Variants in GLG1 observed in about 807,000 individuals in gnomAD.
GLG1 encodes golgi glycoprotein 1.
GLG1 carries 38 observed loss-of-function variants against 160.5 expected under a neutral mutation model. That is an observed-to-expected ratio of 0.24 (90% CI 0.18 to 0.31). The LOEUF (loss-of-function observed/expected upper bound fraction) is 0.31, where lower values mean the gene tolerates loss of function less well. GLG1 is among the 10% of genes least tolerant of loss of function. The pLI is 1.00. For synonymous variants in GLG1, 644 were observed against 543.4 expected, an observed-to-expected ratio of 1.19 and a Z score of -2.57; for missense variants, 1,373 against 1,505.2, an observed-to-expected ratio of 0.91 and a Z score of 1.45.
At chr16:74,606,587 CT>C in intron 1 of GLG1, 69 bp downstream of exon 1, 1 of 1,350,764 alleles carries the variant, frequency 7.4e-7, no homozygotes, top group South Asian at 1.4e-5. Flanking sequence ...GCGTCAGCGG[CT>C]TCCAAGGCCG....
At chr16:74,558,754 G>C (rs1434184001) in intron 1 of GLG1, among the ~76,000 whole-genome samples, 2 of 152,200 alleles carry the variant, frequency 1.3e-5, no homozygotes, top group African/African-American at 2.4e-5. Flanking sequence ...TGGTGGATTA[G>C]AATAGTCAGA....
chr16:74,566,920 C>T (rs571351770), intron 1 of GLG1, among the ~76,000 whole-genome samples: 89 of 152,190 alleles, frequency 5.8e-4, no homozygotes, highest in Non-Finnish European at 1.0e-3. Context: ...TTAAACCTAA[C>T]ACATATTGCT....
chr16:74,462,821 A>G (rs546154944), intron 20 of GLG1, 191 bp from the exon 21 acceptor site: 1 of 603,556 alleles, frequency 1.7e-6, no homozygotes, highest in Admixed American at 3.0e-5. Context: ...GTTAACGAGT[A>G]CTTCTGGAGG....
At position 74,603,356 on chromosome 16, in the gene GLG1, G is replaced by A. The variant is rs143788543; in HGVS notation, c.438+3301C>T. ...ACCAGGGAGTCAGAGGTTGCAGTGA[G>A]CCGAGATCACACCACTGCACTCCAG... On this transcript the variant is annotated intron_variant, in intron 1 of 25. Coordinates refer to ENST00000422840, the MANE Select transcript of GLG1 (RefSeq NM_001145667.2). 9.4e-4 allele frequency among the ~76,000 whole-genome samples: 140 copies of A among 148,288 alleles called. 1 individual carries two copies. The highest frequency in any genetic ancestry group is 3.3e-3 in the African/African-American group (134 of 40,008).
rs1373749257 is a variant in GLG1, at chr16:74,462,112, C to T, written c.3018G>A (p.Gln1006=). 4 of 1,593,902 alleles carry T rather than the reference C, an allele frequency of 2.5e-6. No homozygotes were observed. Among genetic ancestry groups the T allele is most frequent in the Non-Finnish European group, 3.4e-6 (4 of 1,161,842 alleles). The change falls in exon 22 of 26, where the codon CAG becomes CAA. Residue 1006 remains glutamine, a synonymous_variant. Transcript: ENST00000422840. ...ALDYRLDPQL[Q]LHCSDEISSL... ...ATCCCACCTCGTCTGAGCAGTGCAG[C>T]TGGAGCTGAGGATCCAGGCGGTAGT... is the stretch of plus-strand genomic sequence containing the variant.
At chr16:74,530,411 T>C (rs1407634601) in intron 2 of GLG1, among the ~76,000 whole-genome samples, 1 of 152,196 alleles carries the variant, frequency 6.6e-6, no homozygotes, top group Non-Finnish European at 1.5e-5. Context: ...AAAGTAACAG[T>C]TCTCAGGGAA....
intron 1 of GLG1, among the ~76,000 whole-genome samples, chr16:74,540,911 T>C (rs996032011): frequency 1.4e-4 from 22 of 152,206 alleles, no homozygotes; most frequent in African/African-American, 5.3e-4. Flanking sequence ...AGTTACGGTG[T>C]CCACATGTAA....
intron 1 of GLG1, among the ~76,000 whole-genome samples, chr16:74,548,540 C>T (rs2143686828): frequency 6.6e-6 from 1 of 152,348 alleles, no homozygotes; most frequent in East Asian, 1.9e-4. Context: ...AGAAATCTGA[C>T]ATCTAGGCTT....
At chr16:74,459,562 C>T in intron 23 of GLG1, 120 bp downstream of exon 23, 1 of 656,776 alleles carries the variant, frequency 1.5e-6, no homozygotes, top group South Asian at 1.8e-5. Flanking sequence ...GAAAAGAGTG[C>T]TGGGCAGAAG....
chr16:74,448,830 T>C lies in GLG1; in HGVS notation c.*4337A>G, dbSNP rs980259856. 2.6e-5 allele frequency: 4 copies of C among 151,618 alleles called. No individual in the cohort carries two copies. The highest frequency in any genetic ancestry group is 4.4e-5 in the Non-Finnish European group (3 of 67,964). The allele number at this position is 151,618 out of a possible 1,614,324, so 9.4% of individuals were successfully genotyped here. A position where few individuals can be genotyped will look rare whatever the true frequency, so the allele number is the denominator to read the frequency against. ...CACTTTGGAAGGCCGAAGTGCACTT[T>C]GGCCGAAGTGGGCCACTTTGCGGCC... On this transcript the variant is annotated 3_prime_UTR_variant, in exon 26 of 26. Transcript: ENST00000422840.
rs773388637 is a variant in GLG1 at position 74,580,309 on chromosome 16, C to A, written c.438+26348G>T. Among the ~76,000 whole-genome samples the A allele has an allele frequency of 1.2e-3, 182 of 151,938 alleles. 2 individuals carry two copies. Among genetic ancestry groups the A allele is most frequent in the Non-Finnish European group, 4.3e-4 (29 of 67,964 alleles). On this transcript the variant is annotated intron_variant, in intron 1 of 25. Transcript: ENST00000422840. ...GACCAGCCTGAGCAACATGGCACAA[C>A]CCCCATCTCTACAAAAAAAACTAAA...
intron 18 of GLG1, among the ~76,000 whole-genome samples, chr16:74,467,357 T>C (rs1318255235): frequency 6.6e-6 from 1 of 152,194 alleles, no homozygotes; most frequent in Non-Finnish European, 1.5e-5. Context: ...AAAAGTGTCC[T>C]AGGTGATTCT....
chr16:74,525,013 G>A (rs1340754865), intron 2 of GLG1, among the ~76,000 whole-genome samples: 1 of 152,110 alleles, frequency 6.6e-6, no homozygotes, highest in Non-Finnish European at 1.5e-5. Flanking sequence ...ATATTTCACT[G>A]TATGGCCACA....
intron 1 of GLG1, among the ~76,000 whole-genome samples, chr16:74,570,969 TAAC>T (rs1406607447): frequency 6.6e-6 from 1 of 151,728 alleles, no homozygotes; most frequent in Non-Finnish European, 1.5e-5. Flanking sequence ...TTTTTTTTTT[TAAC>T]CACACCTCAC....
intron 1 of GLG1, among the ~76,000 whole-genome samples, chr16:74,576,810 G>C (rs2019017195): frequency 6.6e-6 from 1 of 152,024 alleles, no homozygotes. Flanking sequence ...TAATCTTTGA[G>C]TATACTTTCT....
intron 19 of GLG1, 135 bp downstream of exon 19, chr16:74,465,541 C>T (rs1288320803): frequency 9.4e-6 from 8 of 852,744 alleles, no homozygotes; most frequent in Non-Finnish European, 1.5e-5. Flanking sequence ...CCGCAGGCTC[C>T]CAGGGGGTGC....
intron 1 of GLG1, among the ~76,000 whole-genome samples, chr16:74,604,308 C>T (rs1958513386): frequency 6.6e-6 from 1 of 152,184 alleles, no homozygotes; most frequent in Non-Finnish European, 1.5e-5. Context: ...TATGTAGGCA[C>T]TGTACTAGGT....
rs914206650 is a variant in GLG1 at position 74,601,565 on chromosome 16, A to G, written c.438+5092T>C. Among the ~76,000 whole-genome samples, 4 of 152,348 alleles carry G rather than the reference A, an allele frequency of 2.6e-5. No individual in the cohort carries two copies. In the East Asian group the frequency reaches 7.7e-4, roughly 29 times the overall value. ...TTTTGTGATGTTCCATGGATTCAAT[A>G]TAAATATCAAGGAAATACAACTAAA... On this transcript the variant is annotated intron_variant, in intron 1 of 25. Transcript: ENST00000422840.
At chr16:74,536,560 T>C (rs559303312) in intron 1 of GLG1, among the ~76,000 whole-genome samples, 13 of 152,312 alleles carry the variant, frequency 8.5e-5, no homozygotes, top group Admixed American at 2.0e-4. Flanking sequence ...GGACTTGAGA[T>C]AGGCCTAAAG....
Sources: allele counts gnomAD v4.1 joint callset (sites outside exome capture counted in the v4.1 genomes callset), GRCh38; gene constraint gnomAD v4.1.1; transcripts MANE v1.5; gene names NCBI Gene and HGNC (gene_info 2026-07-23, HGNC 2026-07-21).